LAMA2: variants seen among roughly 807,000 people sequenced by gnomAD.
LAMA2 encodes the protein laminin subunit alpha-2.
A neutral mutation model predicts 364.8 loss-of-function variants in LAMA2; 269 were observed. The ratio of observed to expected loss-of-function variants is 0.74; its 90% CI spans 0.67 to 0.82. The LOEUF (loss-of-function observed/expected upper bound fraction) is 0.82, where lower values mean the gene tolerates loss of function less well. Ranked by LOEUF, LAMA2 falls within the 40% of genes least tolerant of loss-of-function variation. The pLI, the probability that LAMA2 is intolerant of heterozygous loss-of-function variation, is 0.00. For synonymous variants in LAMA2, 1,379 were observed against 1,370.6 expected (o/e 1.01, Z -0.14); for missense variants, 3,807 against 3,873.2 (o/e 0.98, Z 0.45).
In LAMA2 at chr6:129,328,281, T is replaced by A; in HGVS notation, c.4180T>A (p.Cys1394Ser). 6.2e-7 allele frequency: 1 copy of A among 1,614,152 alleles called. No individual in the cohort carries two copies. The highest frequency in any genetic ancestry group is 1.7e-5 in the Admixed American group (1 of 60,026). ...LGYSGLSCEA[C>S]LPGFYRLRSQ... ...AATTGGCTTCCTTTTCTTTCAGGCA[T>A]GCTTGCCGGGATTTTATCGACTGCG... The change falls in exon 29 of 65, where the codon TGC becomes AGC. Residue 1394 changes from cysteine (C) to serine (S), a missense_variant. Physicochemically the swap from Cys to Ser is moderately radical, Grantham distance 112. Coordinates refer to ENST00000421865, the MANE Select transcript of LAMA2 (RefSeq NM_000426.4).
intron 4 of LAMA2, among the ~76,000 whole-genome samples, chr6:129,140,533 C>T (rs1347226919): frequency 6.6e-6 from 1 of 152,074 alleles, no homozygotes; most frequent in African/African-American, 2.4e-5. Context: ...GAGGCTGCCA[C>T]AGATTTCTCA....
chr6:129,138,370 A>G lies in LAMA2; in HGVS notation c.640-5531A>G, dbSNP rs72618509. 7.8e-4 allele frequency among the ~76,000 whole-genome samples: 119 copies of G among 152,212 alleles called. No homozygotes were observed. The East Asian group carries it at 0.022, about 28-fold the overall frequency. On this transcript the variant is annotated intron_variant, in intron 4 of 64. Transcript: ENST00000421865. ...GGTTGGAGAAAATAACAAAATATGA[A>G]GTAAAGGAAAATTGACAGAATACTT... is the stretch of plus-strand genomic sequence containing the variant.
chr6:129,378,295 C>A (rs1778487306), intron 34 of LAMA2, among the ~76,000 whole-genome samples: 1 of 152,170 alleles, frequency 6.6e-6, no homozygotes, highest in South Asian at 2.1e-4. Context: ...ACAGATAGTT[C>A]CTATCATGTA....
At chr6:129,096,720 A>G (rs1312560897) in intron 3 of LAMA2, among the ~76,000 whole-genome samples, 2 of 152,182 alleles carry the variant, frequency 1.3e-5, no homozygotes, top group African/African-American at 2.4e-5. Flanking sequence ...CAACAAGTAC[A>G]GAAGCATTTC....
chr6:129,349,235 G>T, intron 30 of LAMA2, 63 bp from the exon 31 acceptor site: 5 of 1,258,220 alleles, frequency 4.0e-6, no homozygotes, highest in Non-Finnish European at 3.5e-6. Flanking sequence ...TCATGGATAG[G>T]AATACTATTT....
In LAMA2 at chr6:129,440,924, TGAA is replaced by T. The variant is rs758495000; in HGVS notation, c.6201_6203del (p.Lys2067del). 2.5e-6 allele frequency: 4 copies of T among 1,613,968 alleles called. No individual in the cohort carries two copies. The highest frequency in any genetic ancestry group is 1.3e-5 in the African/African-American group (1 of 75,054). ...GAGCTCCACCAGAACCTCGATGGCC[TGAA>T]GAAGAATTACAATAAACTAGCAGAC... On this transcript the variant is annotated inframe_deletion, in exon 43 of 65. Transcript: ENST00000421865.
intron 47 of LAMA2, among the ~76,000 whole-genome samples, chr6:129,455,498 T>A (rs1782913715): frequency 2.0e-5 from 3 of 152,184 alleles, no homozygotes; most frequent in Admixed American, 2.0e-4. Flanking sequence ...TTTGTTACCA[T>A]GTATTTCACT....
At chr6:129,182,881 A>G (rs1478809) in intron 10 of LAMA2, among the ~76,000 whole-genome samples, 6 of 151,822 alleles carry the variant, frequency 4.0e-5, no homozygotes, top group South Asian at 4.1e-4. Context: ...TGCATGTTAT[A>G]TGTGCTTTTT....
chr6:129,032,069 C>A (rs1024971819), intron 1 of LAMA2, among the ~76,000 whole-genome samples: 1 of 152,196 alleles, frequency 6.6e-6, no homozygotes, highest in Non-Finnish European at 1.5e-5. Flanking sequence ...CCTCCTGCCT[C>A]GGCCTCCCAA....
intron 17 of LAMA2, among the ~76,000 whole-genome samples, chr6:129,271,213 T>C (rs1226481885): frequency 6.6e-6 from 1 of 152,160 alleles, no homozygotes; most frequent in Non-Finnish European, 1.5e-5. Flanking sequence ...CTGATTTAAC[T>C]GACTTTTAAG....
In LAMA2 at chr6:129,221,402, C is replaced by CA. The variant is rs57184336; in HGVS notation, c.1782+28562dup. Among the ~76,000 whole-genome samples the CA allele has an allele frequency of 3.3e-3, 388 of 116,422 alleles. 2 individuals are homozygous for CA. Among genetic ancestry groups the CA allele is most frequent in the East Asian group, 7.0e-3 (29 of 4,152 alleles). 76.4% of individuals were successfully genotyped at this position (116,422 alleles called of 152,430 possible). A position where few individuals can be genotyped will look rare whatever the true frequency, so the allele number is the denominator to read the frequency against. On this transcript the variant is annotated intron_variant, in intron 12 of 64. Coordinates refer to ENST00000421865, the MANE Select transcript of LAMA2 (RefSeq NM_000426.4). ...GGAAAGGCCAAACTGCCTGATAGAC[C>CA]AAAAAAAAAAAAATCAACAATAAAC...
At chr6:129,104,136 T>C (rs955234591) in intron 4 of LAMA2, among the ~76,000 whole-genome samples, 3 of 152,106 alleles carry the variant, frequency 2.0e-5, no homozygotes, top group Admixed American at 2.0e-4. Context: ...GAAATCTTCC[T>C]ACCTAAAAAA....
At chr6:129,445,882 G>A (rs1368936677) in intron 45 of LAMA2, 61 bp downstream of exon 45, 1 of 1,480,198 alleles carries the variant, frequency 6.8e-7, no homozygotes, top group Non-Finnish European at 9.4e-7. Flanking sequence ...ATTCATAGAG[G>A]GAATGTCTTT....
At chr6:129,297,407 G>T (rs1773253181) in intron 20 of LAMA2, among the ~76,000 whole-genome samples, 1 of 152,150 alleles carries the variant, frequency 6.6e-6, no homozygotes, top group Admixed American at 6.6e-5. Context: ...ATCTTGAGAA[G>T]TACTGGGACA....
chr6:129,219,547 A>T (rs564017807), intron 12 of LAMA2, among the ~76,000 whole-genome samples: 1 of 151,172 alleles, frequency 6.6e-6, no homozygotes, highest in East Asian at 1.9e-4. Flanking sequence ...TTGTGGCACT[A>T]TTCACAATAG....
intron 58 of LAMA2, among the ~76,000 whole-genome samples, chr6:129,498,587 A>G (rs929034276): frequency 6.6e-6 from 1 of 152,204 alleles, no homozygotes; most frequent in Non-Finnish European, 1.5e-5. Flanking sequence ...CAGTGCTATA[A>G]AAAGTATCTT....
chr6:128,974,716 T>C (rs907302659), intron 1 of LAMA2, among the ~76,000 whole-genome samples: 2 of 152,320 alleles, frequency 1.3e-5, no homozygotes, highest in East Asian at 3.9e-4. Context: ...CTGATTCATT[T>C]ATCCATTCAT....
At chr6:129,134,853 T>C (rs777108752) in intron 4 of LAMA2, among the ~76,000 whole-genome samples, 19 of 152,204 alleles carry the variant, frequency 1.2e-4, no homozygotes, top group Non-Finnish European at 2.6e-4. Flanking sequence ...TCAGTTCTGA[T>C]TTTGGTCAGC....
chr6:129,134,649 G>T (rs780149943), intron 4 of LAMA2, among the ~76,000 whole-genome samples: 1 of 152,122 alleles, frequency 6.6e-6, no homozygotes, highest in Non-Finnish European at 1.5e-5. Context: ...TGCAAGCTAG[G>T]TCCCTCACAT....
Sources: allele counts gnomAD v4.1 joint callset (sites outside exome capture counted in the v4.1 genomes callset), GRCh38; gene constraint gnomAD v4.1.1; transcripts MANE v1.5; gene names NCBI Gene and HGNC (gene_info 2026-07-23, HGNC 2026-07-21).